VPS8: variants seen among roughly 807,000 people sequenced by gnomAD.
VPS8 encodes the protein VPS8 subunit of CORVET complex, also known as vacuolar protein sorting-associated protein 8 homolog.
Under a neutral mutation model 216.4 loss-of-function variants are expected in VPS8, and 129 were observed. The observed-to-expected ratio is 0.60, with a 90% CI of 0.52 to 0.69. The LOEUF (loss-of-function observed/expected upper bound fraction) is 0.69, where lower values mean the gene tolerates loss of function less well. Among genes scored for constraint, VPS8 ranks in the 30% least tolerant of loss-of-function variants. VPS8 has a pLI of 0.00. For synonymous variants in VPS8, 571 were observed against 565.4 expected, an observed-to-expected ratio of 1.01 and a Z score of -0.14; for missense variants, 1,531 against 1,683.5, an observed-to-expected ratio of 0.91 and a Z score of 1.59.
intron 21 of VPS8, among the ~76,000 whole-genome samples, chr3:184,879,632 G>A (rs1729932481): frequency 6.6e-6 from 1 of 152,118 alleles, no homozygotes; most frequent in Non-Finnish European, 1.5e-5. Flanking sequence ...AATGAGTTTA[G>A]AGGGATATTA....
At chr3:184,814,818 TAATA>T (rs1335658093) in intron 1 of VPS8, among the ~76,000 whole-genome samples, 3 of 152,218 alleles carry the variant, frequency 2.0e-5, no homozygotes, top group Admixed American at 6.5e-5. Context: ...CTTTCTCCAA[TAATA>T]AATTAACCTT....
intron 1 of VPS8, among the ~76,000 whole-genome samples, chr3:184,821,234 G>T (rs1008812892): frequency 6.6e-6 from 1 of 152,188 alleles, no homozygotes; most frequent in South Asian, 2.1e-4. Flanking sequence ...GGGGGAAGTT[G>T]GGAGAGTATA....
At position 184,940,238 on chromosome 3, in the gene VPS8, C is replaced by T; in HGVS notation, c.3030C>T (p.Asp1010=). The stretch of plus-strand genomic sequence containing the variant: ...TCAAATTTTTGAGGAGTCTTCTTGA[C>T]CCAAGGTATGTTGACAAACTTTAGT... ...LLFKFLRSLL[D]PREGIHVNQE... is the part of the protein sequence containing the mutation. The change falls in exon 36 of 48, where the codon GAC becomes GAT. Residue 1010 remains aspartate, a synonymous_variant. Transcript: ENST00000625842. The T allele has an allele frequency of 6.9e-7, 1 of 1,456,182 alleles. No homozygotes were observed. The highest frequency in any genetic ancestry group is 1.4e-5 in the African/African-American group (1 of 70,460). The allele number at this position is 1,456,182 out of a possible 1,614,324, so 90.2% of individuals were successfully genotyped here. A position where few individuals can be genotyped will look rare whatever the true frequency, so the allele number is the denominator to read the frequency against.
intron 15 of VPS8, among the ~76,000 whole-genome samples, chr3:184,861,452 A>G (rs75703581): frequency 0.018 from 2,771 of 152,302 alleles, 92 homozygotes; most frequent in African/African-American, 0.063. Context: ...TACATTTTTA[A>G]CTCGCAGACA....
intron 37 of VPS8, among the ~76,000 whole-genome samples, chr3:184,958,722 T>C (rs899262908): frequency 6.6e-6 from 1 of 152,128 alleles, no homozygotes; most frequent in African/African-American, 2.4e-5. Context: ...GGAGAGTTGG[T>C]CAGATATTGG....
intron 4 of VPS8, among the ~76,000 whole-genome samples, chr3:184,834,162 A>G (rs1720575465): frequency 6.6e-6 from 1 of 152,188 alleles, no homozygotes. Context: ...AGAAGGCAGT[A>G]GGGTAATGTA....
chr3:184,893,207 G>C (rs906556324), intron 22 of VPS8: 1 of 1,237,848 alleles, frequency 8.1e-7, no homozygotes. Context: ...GTTGTAGCCA[G>C]TCTGTTTTCC....
At chr3:184,899,534 C>A (rs548501641) in intron 24 of VPS8, among the ~76,000 whole-genome samples, 1 of 152,260 alleles carries the variant, frequency 6.6e-6, no homozygotes, top group South Asian at 2.1e-4. Flanking sequence ...TAAAGTTAGT[C>A]CCCCACCCTT....
chr3:184,843,971 A>G (rs1053162234), intron 8 of VPS8, among the ~76,000 whole-genome samples: 1 of 152,224 alleles, frequency 6.6e-6, no homozygotes. Context: ...GGCTTCAGTC[A>G]GTAAGCCTTA....
chr3:184,995,533 G>A (rs1752500807), intron 43 of VPS8, among the ~76,000 whole-genome samples: 1 of 152,156 alleles, frequency 6.6e-6, no homozygotes, highest in African/African-American at 2.4e-5. Flanking sequence ...CAAAAGTATT[G>A]CATTACAGGC....
At chr3:184,820,262 G>A (rs1717274923) in intron 1 of VPS8, among the ~76,000 whole-genome samples, 1 of 152,130 alleles carries the variant, frequency 6.6e-6, no homozygotes, top group Non-Finnish European at 1.5e-5. Flanking sequence ...GAGGCTCTCG[G>A]AGACCATCTG....
At chr3:185,034,397 C>G (rs1044791634) in intron 46 of VPS8, among the ~76,000 whole-genome samples, 1 of 152,028 alleles carries the variant, frequency 6.6e-6, no homozygotes, top group Admixed American at 6.6e-5. Flanking sequence ...ATTAGTGATG[C>G]TGAGCATTTT....
chr3:184,931,237 T>G (rs1740625128), intron 34 of VPS8, among the ~76,000 whole-genome samples: 1 of 152,210 alleles, frequency 6.6e-6, no homozygotes, highest in Admixed American at 6.5e-5. Flanking sequence ...ACTAGCAGTT[T>G]TGTTGAAATC....
intron 46 of VPS8, among the ~76,000 whole-genome samples, chr3:185,032,647 A>C (rs954361839): frequency 6.6e-6 from 1 of 152,176 alleles, no homozygotes; most frequent in African/African-American, 2.4e-5. Context: ...TGATTTTGTT[A>C]ATAATTTTTG....
intron 45 of VPS8, among the ~76,000 whole-genome samples, chr3:185,004,204 G>A (rs1753883278): frequency 2.0e-5 from 3 of 151,762 alleles, no homozygotes; most frequent in Admixed American, 6.6e-5. Context: ...AGCAGTGAGT[G>A]AACGAGACTC....
rs1339914281 is a variant in VPS8, at chr3:184,915,542, G to C, written c.2382+68G>C. Reference sequence around the variant, plus strand: ...AGCAATAATTTTTTGGCGGGGTGTGGTGGCTCACCCCTGTAATCCCAACAC... The same window carrying C: ...AGCAATAATTTTTTGGCGGGGTGTGCTGGCTCACCCCTGTAATCCCAACAC... On this transcript the variant is annotated intron_variant, in intron 28 of 47. Transcript: ENST00000625842. 3 of 1,530,086 alleles carry C rather than the reference G, an allele frequency of 2.0e-6. No individual in the cohort carries two copies. The Admixed American group carries it at 5.6e-5, about 28-fold the overall frequency. 94.8% of individuals were successfully genotyped at this position (1,530,086 alleles called of 1,614,324 possible). A position where few individuals can be genotyped will look rare whatever the true frequency, so the allele number is the denominator to read the frequency against.
chr3:184,942,173 A>C lies in VPS8; in HGVS notation c.3035+1930A>C, dbSNP rs537483511. 1.5e-3 allele frequency among the ~76,000 whole-genome samples: 222 copies of C among 152,298 alleles called. 1 individual carries two copies. The highest frequency in any genetic ancestry group is 6.8e-3 in the Middle Eastern group (2 of 294). On this transcript the variant is annotated intron_variant, in intron 36 of 47. Transcript: ENST00000625842. ...AAATAAATATTACAAAAAAAAAGGC[A>C]TATCACAAGTATCAAAGGTCTTCAA...
At chr3:184,921,058 T>A (rs1473038701) in intron 29 of VPS8, among the ~76,000 whole-genome samples, 2 of 152,238 alleles carry the variant, frequency 1.3e-5, no homozygotes, top group Non-Finnish European at 2.9e-5. Context: ...TTGGCTAGTA[T>A]GGAGAATTTT....
chr3:184,908,903 A>T (rs1389235819), intron 25 of VPS8, among the ~76,000 whole-genome samples: 1 of 152,214 alleles, frequency 6.6e-6, no homozygotes, highest in African/African-American at 2.4e-5. Flanking sequence ...AGTATTGGAA[A>T]AGGCAACATT....
Sources: gnomAD v4.1 joint callset for allele counts (sites outside exome capture counted in the v4.1 genomes callset) on GRCh38, gnomAD v4.1.1 for gene constraint, MANE v1.5 for transcripts, NCBI Gene and HGNC (gene_info 2026-07-23, HGNC 2026-07-21) for gene names.